TRMT11: variants seen among roughly 807,000 people sequenced by gnomAD.
TRMT11 encodes the protein tRNA methyltransferase 11.
Under a neutral mutation model 62.8 loss-of-function variants are expected in TRMT11, and 53 were observed. That is an observed-to-expected ratio of 0.84 (90% CI 0.68 to 1.06). The LOEUF is 1.06. Among genes scored for constraint, TRMT11 ranks in the 50% least tolerant of loss-of-function variants. TRMT11 has a pLI of 0.00. For synonymous variants in TRMT11, 188 were observed against 190.3 expected, an observed-to-expected ratio of 0.99 and a Z score of 0.10; for missense variants, 556 against 553.4, an observed-to-expected ratio of 1.00 and a Z score of -0.05.
chr6:126,106,936 C>CAAAAAAAAAAAAAAAAAAAATAAAAA, intron 17 of TRMT11, among the ~76,000 whole-genome samples: 1 of 94,242 alleles, frequency 1.1e-5, no homozygotes, highest in African/African-American at 3.1e-5. Flanking sequence ...CTCTCTCTCT[C>CAAAAAAAAAAAAAAAAAAAATAAAAA]AAAAAAAAAA....
At chr6:126,222,590 G>A in the TRMT11 span, among the ~76,000 whole-genome samples, 8 of 150,826 alleles carry the variant, frequency 5.3e-5, no homozygotes, top group Admixed American at 6.6e-5. Context: ...TTTGGCTATC[G>A]TGAATGGGAT....
At position 126,167,134 on chromosome 6, in the gene TRMT11, C is replaced by T. The variant is rs147407770; in HGVS notation, c.*1824-7691C>T. 4.8e-3 allele frequency among the ~76,000 whole-genome samples: 738 copies of T among 152,226 alleles called. 7 individuals carry two copies. Among genetic ancestry groups the T allele is most frequent in the African/African-American group, 0.016 (681 of 41,538 alleles). ...TCCAGGGGAGTGAATGGTTCTGTCT[C>T]GCTGGCATTCCATACACCACTGGGG... On this transcript the variant is annotated intron_variant and NMD_transcript_variant, in intron 21 of 22. Transcript: ENST00000648977.
Position 126,012,626 on chromosome 6 carries a change from A to G in TRMT11, c.926-145A>G, listed in dbSNP as rs1794379899. On this transcript the variant is annotated intron_variant, in intron 9 of 12. Coordinates refer to ENST00000334379, the MANE Select transcript of TRMT11 (RefSeq NM_001031712.3). ...ACAGTTGCTCCTCTCCCAAGTCTTTATGTTGTACATTTTCAGTTGGATTTG... is the reference window on the plus strand; with the variant it reads ...ACAGTTGCTCCTCTCCCAAGTCTTTGTGTTGTACATTTTCAGTTGGATTTG... The G allele has an allele frequency of 6.7e-6, 4 of 597,848 alleles. No individual in the cohort carries two copies. The East Asian group carries it at 8.1e-5, about 12-fold the overall frequency. 37.0% of individuals were successfully genotyped at this position (597,848 alleles called of 1,614,324 possible).
At chr6:126,133,423 C>A (rs1161843642) in intron 21 of TRMT11, among the ~76,000 whole-genome samples, 1 of 152,076 alleles carries the variant, frequency 6.6e-6, no homozygotes, top group African/African-American at 2.4e-5. Context: ...TGATCTTGAA[C>A]CTTCATTGTG....
the TRMT11 span, among the ~76,000 whole-genome samples, chr6:126,225,916 C>T: frequency 3.9e-3 from 596 of 152,098 alleles, 7 homozygotes; most frequent in African/African-American, 0.014. Context: ...TCACGAACTA[C>T]TGACCTCAAG....
chr6:126,068,912 AGAAAT>A (rs1268364318), intron 17 of TRMT11, among the ~76,000 whole-genome samples: 4 of 152,242 alleles, frequency 2.6e-5, no homozygotes, highest in African/African-American at 9.6e-5. Context: ...GGTGCACTCT[AGAAAT>A]GATGGCTGTA....
At chr6:126,025,686 A>C (rs1029901537) in intron 12 of TRMT11, among the ~76,000 whole-genome samples, 3 of 152,214 alleles carry the variant, frequency 2.0e-5, no homozygotes, top group Non-Finnish European at 4.4e-5. Flanking sequence ...TAAAATTGTC[A>C]AACAGTCCTC....
intron 7 of TRMT11, among the ~76,000 whole-genome samples, chr6:126,007,304 AT>A (rs1208365020): frequency 6.6e-6 from 1 of 152,114 alleles, no homozygotes; most frequent in Admixed American, 6.6e-5. Flanking sequence ...AACATCATTA[AT>A]TTATGGATCT....
intron 17 of TRMT11, among the ~76,000 whole-genome samples, chr6:126,059,124 T>A (rs1339935156): frequency 6.6e-6 from 1 of 150,494 alleles, no homozygotes; most frequent in Non-Finnish European, 1.5e-5. Flanking sequence ...CCTCAAGTGA[T>A]CTTTCCGCCT....
At chr6:126,203,191 A>G (rs533528959), downstream of TRMT11, among the ~76,000 whole-genome samples, 34 of 152,294 alleles carry the variant, frequency 2.2e-4, no homozygotes, top group South Asian at 2.9e-3. Flanking sequence ...GTTTTGTTTA[A>G]TGCTCTGCTG....
intron 17 of TRMT11, among the ~76,000 whole-genome samples, chr6:126,100,230 G>T (rs1777383486): frequency 6.6e-6 from 1 of 152,208 alleles, no homozygotes; most frequent in South Asian, 2.1e-4. Flanking sequence ...TGATATAAGA[G>T]GATCATTTTT....
the TRMT11 span, among the ~76,000 whole-genome samples, chr6:126,267,873 A>G: frequency 6.6e-6 from 1 of 152,156 alleles, no homozygotes; most frequent in South Asian, 2.1e-4. Context: ...GACTGGCCCC[A>G]GGCCATCTGC....
the TRMT11 span, among the ~76,000 whole-genome samples, chr6:126,251,602 C>T: frequency 6.6e-6 from 1 of 152,034 alleles, no homozygotes; most frequent in African/African-American, 2.4e-5. Context: ...ATTTTATATC[C>T]TTTGACCAAC....
At chr6:126,042,067 A>T (rs1562302778), downstream of TRMT11, among the ~76,000 whole-genome samples, 2 of 152,292 alleles carry the variant, frequency 1.3e-5, no homozygotes, top group East Asian at 3.9e-4. Context: ...CAGCAGACTG[A>T]TGGTGTTTGT....
At chr6:126,111,929 G>A (rs1289652051) in intron 17 of TRMT11, among the ~76,000 whole-genome samples, 1 of 151,700 alleles carries the variant, frequency 6.6e-6, no homozygotes, top group Non-Finnish European at 1.5e-5. Context: ...TCTTAAATGA[G>A]GTGATACAAT....
intron 9 of TRMT11, 49 bp from the exon 10 acceptor site, chr6:126,012,722 A>G (rs756373388): frequency 3.4e-6 from 5 of 1,466,730 alleles, no homozygotes; most frequent in African/African-American, 1.4e-5. Flanking sequence ...CCCTTGATCC[A>G]TGATTTGGTG....
chr6:126,053,553 T>C (rs1271154748), intron 17 of TRMT11, among the ~76,000 whole-genome samples: 3 of 152,204 alleles, frequency 2.0e-5, no homozygotes, highest in Non-Finnish European at 4.4e-5. Context: ...CTGCTGAGAT[T>C]ATTCAAACTA....
chr6:126,091,588 AT>A (rs1315690447), intron 17 of TRMT11, among the ~76,000 whole-genome samples: 4 of 151,978 alleles, frequency 2.6e-5, no homozygotes, highest in African/African-American at 9.7e-5. Flanking sequence ...GTTACGTTAA[AT>A]TTGTCCAAAG....
chr6:126,044,768 T>C (rs1184056399), intron 16 of TRMT11, among the ~76,000 whole-genome samples: 1 of 152,172 alleles, frequency 6.6e-6, no homozygotes, highest in Non-Finnish European at 1.5e-5. Flanking sequence ...TTATAAAAGA[T>C]TGGGTTCCCT....
Sources: allele counts gnomAD v4.1 joint callset (sites outside exome capture counted in the v4.1 genomes callset), GRCh38; gene constraint gnomAD v4.1.1; transcripts MANE v1.5; gene names NCBI Gene and HGNC (gene_info 2026-07-23, HGNC 2026-07-21).